The following CCDC30 variants were observed in gnomAD, a reference collection of about 807,000 sequenced individuals.
CCDC30 encodes the protein coiled-coil domain-containing protein 30.
Under a neutral mutation model 100.2 loss-of-function variants are expected in CCDC30, and 70 were observed. The ratio of observed to expected loss-of-function variants is 0.70; its 90% confidence interval spans 0.58 to 0.85. The LOEUF (loss-of-function observed/expected upper bound fraction) is 0.85. Among genes scored for constraint, CCDC30 ranks in the 40% least tolerant of loss-of-function variants. The pLI, the probability that CCDC30 is intolerant of heterozygous loss-of-function variation, is 0.00. For synonymous variants in CCDC30, 233 were observed against 269.5 expected, an observed-to-expected ratio of 0.86 and a Z score of 1.33; for missense variants, 652 against 771.2, an observed-to-expected ratio of 0.85 and a Z score of 1.83.
Position 42,638,559 on chromosome 1 carries a change from CAA to C in CCDC30, c.1419+1197_1419+1198del, listed in dbSNP as rs55773821. The stretch of plus-strand genomic sequence containing the variant: ...AATCCATTTTAATAGCACCCATGGG[CAA>C]AAAAAAAAAAAAAAAGAAAAGAAAA... On this transcript the variant is annotated intron_variant, in intron 12 of 16. Transcript: ENST00000668663. 9.0e-3 allele frequency among the ~76,000 whole-genome samples: 1,049 copies of C among 116,370 alleles called. 14 individuals are homozygous for C. The highest frequency in any genetic ancestry group is 0.029 in the African/African-American group (904 of 31,688). 76.3% of individuals were successfully genotyped at this position (116,370 alleles called of 152,430 possible). A position where few individuals can be genotyped will look rare whatever the true frequency, so the allele number is the denominator to read the frequency against.
chr1:42,488,161 T>A (rs1304003334), intron 3 of CCDC30, among the ~76,000 whole-genome samples: 2 of 151,996 alleles, frequency 1.3e-5, no homozygotes, highest in East Asian at 1.9e-4. Context: ...TTTTTTTTTT[T>A]AAATCGATGC....
intron 8 of CCDC30, among the ~76,000 whole-genome samples, chr1:42,577,680 A>G (rs1645869731): frequency 6.6e-6 from 1 of 151,950 alleles, no homozygotes; most frequent in Non-Finnish European, 1.5e-5. Context: ...TCGCTCTGTC[A>G]CCCAGGCTGG....
chr1:42,465,113 TA>T (rs753413027), intron 1 of CCDC30, among the ~76,000 whole-genome samples: 1 of 152,114 alleles, frequency 6.6e-6, no homozygotes, highest in Non-Finnish European at 1.5e-5. Context: ...AAAAACAATT[TA>T]ACCTGGGCAA....
At chr1:42,523,337 T>A (rs181177926) in intron 6 of CCDC30, among the ~76,000 whole-genome samples, 2 of 152,338 alleles carry the variant, frequency 1.3e-5, no homozygotes, top group African/African-American at 4.8e-5. Flanking sequence ...GTCTCATTTC[T>A]GAAGGACCAG....
Position 42,589,331 on chromosome 1 carries a change from T to C in CCDC30, c.1012T>C (p.Tyr338His), listed in dbSNP as rs761612774. 6 of 1,601,506 alleles carry C rather than the reference T, an allele frequency of 3.7e-6. No homozygotes were observed. In the Admixed American group the frequency reaches 7.0e-5, roughly 19 times the overall value. ...ATTAATTGCCCTCAGGAAACTTCTA[T>C]ATCAGAACGTAGATGAGTTACACAG... The change falls in exon 10 of 17, where the codon TAT becomes CAT. Residue 338 changes from tyrosine (Y) to histidine (H), a missense_variant. Tyr to His is a moderately conservative substitution (Grantham distance 83). Coordinates refer to ENST00000668663, the Ensembl canonical transcript of CCDC30.
At chr1:42,553,157 T>G (rs1645289125) in intron 6 of CCDC30, among the ~76,000 whole-genome samples, 2 of 152,164 alleles carry the variant, frequency 1.3e-5, no homozygotes, top group African/African-American at 4.8e-5. Context: ...TCTGGTGCTT[T>G]GGCTAAAGAT....
intron 6 of CCDC30, among the ~76,000 whole-genome samples, chr1:42,512,830 G>A (rs1644499663): frequency 6.6e-6 from 1 of 152,120 alleles, no homozygotes; most frequent in Non-Finnish European, 1.5e-5. Flanking sequence ...TGGCCAACAT[G>A]CCCAGCAACC....
chr1:42,569,960 A>G lies in CCDC30; in HGVS notation c.636+3485A>G, dbSNP rs534089210. Among the ~76,000 whole-genome samples, 9 of 152,204 alleles carry G rather than the reference A, an allele frequency of 5.9e-5. No homozygotes were observed. In the South Asian group the frequency reaches 1.9e-3, roughly 32 times the overall value. The stretch of plus-strand genomic sequence containing the variant: ...ATGGACACAGGGAGCGGAACATTAC[A>G]CACCAGGGCCTGTCAGTGGGTGGGG... On this transcript the variant is annotated intron_variant, in intron 7 of 16. Transcript: ENST00000668663.
chr1:42,464,486 C>G (rs1014753379), intron 1 of CCDC30, among the ~76,000 whole-genome samples: 29 of 152,148 alleles, frequency 1.9e-4, no homozygotes, highest in African/African-American at 7.0e-4. Context: ...AGTACTTGTG[C>G]CTTCTTTTCC....
At position 42,580,965 on chromosome 1, in the gene CCDC30, A is replaced by G. The variant is rs1645952076; in HGVS notation, c.847-395A>G. 1.1e-5 allele frequency: 5 copies of G among 434,832 alleles called. No individual in the cohort carries two copies. The Admixed American group carries it at 1.3e-4, about 11-fold the overall frequency. The allele number at this position is 434,832 out of a possible 1,614,324, so 26.9% of individuals were successfully genotyped here. A position where few individuals can be genotyped will look rare whatever the true frequency, so the allele number is the denominator to read the frequency against. On this transcript the variant is annotated intron_variant, in intron 8 of 16. Transcript: ENST00000668663. ...AAACAAACAAATACTCAGCTTCCTG[A>G]GTAGCTGGGACTACAGGTACTCACC...
intron 6 of CCDC30, among the ~76,000 whole-genome samples, chr1:42,564,853 C>A (rs1308895756): frequency 1.3e-5 from 2 of 152,138 alleles, no homozygotes; most frequent in Admixed American, 6.5e-5. Flanking sequence ...AGCCTCTCAA[C>A]CACCATTCTA....
At chr1:42,528,578 A>G (rs1016176664) in intron 6 of CCDC30, among the ~76,000 whole-genome samples, 1 of 152,224 alleles carries the variant, frequency 6.6e-6, no homozygotes, top group Non-Finnish European at 1.5e-5. Flanking sequence ...ACTGTAGTGT[A>G]GCTCTGAGAA....
intron 6 of CCDC30, among the ~76,000 whole-genome samples, chr1:42,553,373 C>T (rs1038825157): frequency 2.7e-5 from 3 of 110,206 alleles, no homozygotes; most frequent in Non-Finnish European, 4.5e-5. Flanking sequence ...CTTTCAAAGT[C>T]TTTTAATGTT....
chr1:42,577,290 C>G, intron 8 of CCDC30, 61 bp downstream of exon 12: 1 of 1,097,886 alleles, frequency 9.1e-7, no homozygotes, highest in East Asian at 2.5e-5. Flanking sequence ...AATCTTATTT[C>G]CCTGAGGATT....
chr1:42,534,511 AG>A (rs1051781568), intron 6 of CCDC30, among the ~76,000 whole-genome samples: 9 of 152,360 alleles, frequency 5.9e-5, no homozygotes, highest in Admixed American at 5.9e-4. Flanking sequence ...GAATTATAAA[AG>A]TTACACTAGG....
the CCDC30 span, chr1:42,456,967 C>T: frequency 1.9e-5 from 31 of 1,604,082 alleles, 1 homozygote; most frequent in South Asian, 3.4e-4. Context: ...CTCTGAGGAG[C>T]TACCAGGAGG....
intron 6 of CCDC30, 58 bp from the exon 9 acceptor site, chr1:42,545,352 C>T: frequency 7.4e-7 from 1 of 1,351,730 alleles, no homozygotes; most frequent in Non-Finnish European, 1.0e-6. Context: ...TACTTTTTTT[C>T]ACAGCTATAA....
At chr1:42,650,328 A>G (rs1353666038) in intron 15 of CCDC30, among the ~76,000 whole-genome samples, 1 of 151,958 alleles carries the variant, frequency 6.6e-6, no homozygotes, top group Non-Finnish European at 1.5e-5. Flanking sequence ...GCAAAACCCT[A>G]TCTCTACAAA....
At chr1:42,626,706 T>A (rs1251574842) in intron 11 of CCDC30, among the ~76,000 whole-genome samples, 1 of 152,136 alleles carries the variant, frequency 6.6e-6, no homozygotes, top group East Asian at 1.9e-4. Context: ...ATTCTTGTGA[T>A]AGTGAATAAG....
Sources: allele counts gnomAD v4.1 joint callset (sites outside exome capture counted in the v4.1 genomes callset), GRCh38; gene constraint gnomAD v4.1.1; transcripts MANE v1.5; gene names NCBI Gene and HGNC (gene_info 2026-07-23, HGNC 2026-07-21).